PKIG: variants seen among roughly 807,000 people sequenced by gnomAD.
PKIG encodes the protein cAMP-dependent protein kinase inhibitor gamma.
A neutral mutation model predicts 6.8 loss-of-function variants in PKIG; 1 was observed. The observed-to-expected ratio is 0.15, with a 90% CI of 0.05 to 0.69. The LOEUF is 0.69. PKIG is among the 30% of genes least tolerant of loss of function. The pLI, the probability that PKIG is intolerant of heterozygous loss-of-function variation, is 0.82. For missense variants in PKIG, 77 were observed against 104.0 expected, an observed-to-expected ratio of 0.74 and a Z score of 1.13; for synonymous variants, 39 against 43.0, an observed-to-expected ratio of 0.91 and a Z score of 0.36.
intron 2 of PKIG, among the ~76,000 whole-genome samples, chr20:44,601,466 C>T (rs1383923965): frequency 6.6e-6 from 1 of 152,258 alleles, no homozygotes; most frequent in Admixed American, 6.5e-5. Flanking sequence ...GCAGCCCTCC[C>T]TTTTCCCAGG....
At chr20:44,544,199 A>G (rs1310632371) in intron 1 of PKIG, among the ~76,000 whole-genome samples, 1 of 152,158 alleles carries the variant, frequency 6.6e-6, no homozygotes, top group Non-Finnish European at 1.5e-5. Flanking sequence ...TAGTAGGGCA[A>G]TGTGATGCCC....
At chr20:44,543,696 AG>A (rs1157177178) in intron 1 of PKIG, among the ~76,000 whole-genome samples, 1 of 152,140 alleles carries the variant, frequency 6.6e-6, no homozygotes, top group African/African-American at 2.4e-5. Context: ...TCAGGCTAGC[AG>A]CAAAATAGCT....
At chr20:44,582,852 A>T (rs1600871442) in intron 1 of PKIG, 121 bp downstream of exon 1, 1 of 152,348 alleles carries the variant, frequency 6.6e-6, no homozygotes, top group East Asian at 1.9e-4. Flanking sequence ...CTATTTTTAT[A>T]TAATGATATA....
At chr20:44,573,299 G>C (rs1045712634) in intron 1 of PKIG, among the ~76,000 whole-genome samples, 5 of 152,224 alleles carry the variant, frequency 3.3e-5, no homozygotes, top group African/African-American at 1.2e-4. Context: ...TAAAATTCCT[G>C]CTTTAGCTGC....
chr20:44,543,918 G>T (rs1268518184), intron 1 of PKIG, among the ~76,000 whole-genome samples: 2 of 152,004 alleles, frequency 1.3e-5, no homozygotes, highest in African/African-American at 4.8e-5. Flanking sequence ...CAAAAAATTA[G>T]CCGTGTGTGA....
intron 1 of PKIG, among the ~76,000 whole-genome samples, chr20:44,548,227 G>A (rs1329755766): frequency 6.6e-6 from 1 of 152,060 alleles, no homozygotes; most frequent in East Asian, 1.9e-4. Context: ...CACAGGCAGT[G>A]GAATAATATA....
chr20:44,612,107 A>C (rs571010857), intron 2 of PKIG, among the ~76,000 whole-genome samples: 11 of 152,266 alleles, frequency 7.2e-5, no homozygotes, highest in Admixed American at 5.9e-4. Flanking sequence ...TTGACATACC[A>C]ATGTCAGTTC....
At chr20:44,544,941 T>TC (rs2064599351) in intron 1 of PKIG, among the ~76,000 whole-genome samples, 1 of 135,272 alleles carries the variant, frequency 7.4e-6, no homozygotes, top group East Asian at 2.1e-4. Flanking sequence ...TTTTTTTTTT[T>TC]TTTTTTTTTT....
chr20:44,612,827 A>T (rs1310929094), intron 2 of PKIG, among the ~76,000 whole-genome samples: 2 of 152,192 alleles, frequency 1.3e-5, no homozygotes, highest in East Asian at 3.9e-4. Flanking sequence ...GGAAACAATT[A>T]GGGATGGGCA....
At chr20:44,571,369 A>C (rs538460464) in intron 1 of PKIG, among the ~76,000 whole-genome samples, 1 of 152,258 alleles carries the variant, frequency 6.6e-6, no homozygotes, top group South Asian at 2.1e-4. Context: ...GGGTTGTTCA[A>C]AGATTGTCTT....
chr20:44,543,779 C>T (rs901872319), intron 1 of PKIG, among the ~76,000 whole-genome samples: 12 of 152,046 alleles, frequency 7.9e-5, no homozygotes, highest in African/African-American at 2.7e-4. Flanking sequence ...TGGCTGGGCG[C>T]GGTGGCTTAC....
intron 2 of PKIG, among the ~76,000 whole-genome samples, chr20:44,596,357 C>CT (rs2065074861): frequency 6.6e-6 from 1 of 152,246 alleles, no homozygotes; most frequent in South Asian, 2.1e-4. Context: ...GCTAAAGGGC[C>CT]TACGCCCCAG....
intron 1 of PKIG, among the ~76,000 whole-genome samples, chr20:44,539,595 A>G (rs2064543021): frequency 6.6e-6 from 1 of 150,726 alleles, no homozygotes; most frequent in South Asian, 2.1e-4. Context: ...ATTTTTGTAT[A>G]TTTAGTAGTA....
chr20:44,549,028 G>T (rs1665263112), intron 1 of PKIG, among the ~76,000 whole-genome samples: 1 of 152,192 alleles, frequency 6.6e-6, no homozygotes, highest in South Asian at 2.1e-4. Flanking sequence ...CCCTGGGTAT[G>T]AGAGTTATAT....
intron 1 of PKIG, among the ~76,000 whole-genome samples, chr20:44,558,594 C>CT (rs1183054804): frequency 6.7e-6 from 1 of 148,984 alleles, no homozygotes; most frequent in Non-Finnish European, 1.5e-5. Flanking sequence ...TTCTTTCTTT[C>CT]TTTCTTTCTT....
intron 1 of PKIG, among the ~76,000 whole-genome samples, chr20:44,570,528 A>C (rs1051159710): frequency 8.5e-5 from 13 of 152,176 alleles, no homozygotes; most frequent in African/African-American, 2.9e-4. Context: ...CCACTCACTA[A>C]AATGAAACTG....
At chr20:44,611,259 G>C (rs1440588780) in intron 2 of PKIG, among the ~76,000 whole-genome samples, 1 of 152,134 alleles carries the variant, frequency 6.6e-6, no homozygotes, top group African/African-American at 2.4e-5. Context: ...TCACGATGTT[G>C]GCCAGCCCAG....
intron 2 of PKIG, among the ~76,000 whole-genome samples, chr20:44,595,047 T>C (rs2065063700): frequency 6.6e-6 from 1 of 152,236 alleles, no homozygotes; most frequent in Non-Finnish European, 1.5e-5. Context: ...GGACTCTTTT[T>C]CTGGCCAAGG....
rs1005725827 is a variant in PKIG, at chr20:44,614,300, A to T, written c.-23-234A>T. 88 of 421,996 alleles carry T rather than the reference A, an allele frequency of 2.1e-4. No homozygotes were observed. Among genetic ancestry groups the T allele is most frequent in the Non-Finnish European group, 3.0e-5 (7 of 234,050 alleles). The allele number at this position is 421,996 out of a possible 1,614,324, so 26.1% of individuals were successfully genotyped here. A position where few individuals can be genotyped will look rare whatever the true frequency, so the allele number is the denominator to read the frequency against. ...TGTGTACATGTTTGTCAATAATTTT[A>T]TTTAAAGAAAAGTCTGAGCCCATGT... On this transcript the variant is annotated intron_variant, in intron 2 of 3. Coordinates refer to ENST00000372886, the MANE Select transcript of PKIG (RefSeq NM_001281445.2). This position sits in a 1 kb window ranked among gnomAD's most constrained non-coding sequence, Gnocchi z 4.6.
Sources: allele counts gnomAD v4.1 joint callset (sites outside exome capture counted in the v4.1 genomes callset), GRCh38; gene constraint gnomAD v4.1.1; non-coding constraint Gnocchi (gnomAD v3.1); transcripts MANE v1.5; gene names NCBI Gene and HGNC (gene_info 2026-07-23, HGNC 2026-07-21).